NCAPG2: variants seen among roughly 807,000 people sequenced by gnomAD.
The protein encoded by NCAPG2 is non-SMC condensin II complex subunit G2.
Under a neutral mutation model 141.1 loss-of-function variants are expected in NCAPG2, and 53 were observed. The observed-to-expected ratio is 0.38, with a 90% CI of 0.30 to 0.47. NCAPG2 has a LOEUF of 0.47. Among genes scored for constraint, NCAPG2 ranks in the 20% least tolerant of loss-of-function variants. The pLI, the probability that NCAPG2 is intolerant of heterozygous loss-of-function variation, is 0.99. For synonymous variants in NCAPG2, 499 were observed against 490.7 expected, an observed-to-expected ratio of 1.02 and a Z score of -0.22; for missense variants, 1,087 against 1,389.0, an observed-to-expected ratio of 0.78 and a Z score of 3.46.
intron 16 of NCAPG2, among the ~76,000 whole-genome samples, chr7:158,658,737 T>C (rs1832224240): frequency 6.6e-6 from 1 of 152,096 alleles, no homozygotes; most frequent in Admixed American, 6.5e-5. Flanking sequence ...ATGAATTGAA[T>C]CTACTTTAAA....
intron 27 of NCAPG2, among the ~76,000 whole-genome samples, chr7:158,636,929 C>T (rs980994945): frequency 6.6e-6 from 1 of 151,970 alleles, no homozygotes; most frequent in African/African-American, 2.4e-5. Flanking sequence ...GGCCAATAGT[C>T]TATTGGGTTT....
At position 158,656,248 on chromosome 7, in the gene NCAPG2, G is replaced by C; in HGVS notation, c.2388+12C>G. 6.2e-7 allele frequency: 1 copy of C among 1,612,814 alleles called. No homozygotes were observed. The highest frequency in any genetic ancestry group is 8.5e-7 in the Non-Finnish European group (1 of 1,179,302). ...CATAGGAAACCACTCAACTCTCAGG[G>C]CACAGAGTTACCTTTGACGTTTCAA... On this transcript the variant is annotated intron_variant, in intron 19 of 27. Transcript: ENST00000356309.
chr7:158,666,770 T>A (rs112119174), intron 13 of NCAPG2, among the ~76,000 whole-genome samples: 6 of 151,162 alleles, frequency 4.0e-5, no homozygotes, highest in South Asian at 2.1e-4. Context: ...CAAAAAAAAA[T>A]AAATAAATAA....
In NCAPG2 at chr7:158,675,546, GAGGTCAATA is replaced by G; in HGVS notation, c.1248_1256del (p.Ile417_Leu419del). 6.2e-7 allele frequency: 1 copy of G among 1,613,584 alleles called. No individual in the cohort carries two copies. Among genetic ancestry groups the G allele is most frequent in the Non-Finnish European group, 8.5e-7 (1 of 1,179,886 alleles). The stretch of plus-strand genomic sequence containing the variant: ...CCAGTTCCCCAGTCACCTTCTTCAG[GAGGTCAATA>G]AGAATGGTCGGGGGCATCATTTCCC... On this transcript the variant is annotated inframe_deletion, in exon 12 of 28. Coordinates refer to ENST00000356309, the MANE Select transcript of NCAPG2 (RefSeq NM_017760.7).
intron 11 of NCAPG2, among the ~76,000 whole-genome samples, chr7:158,677,961 C>T: frequency 6.6e-6 from 1 of 152,018 alleles, no homozygotes; most frequent in Non-Finnish European, 1.5e-5. Flanking sequence ...TAGGCATGCA[C>T]CACAGTGCCC....
At position 158,631,373 on chromosome 7, in the gene NCAPG2, T is replaced by A. The variant is rs1829885796; in HGVS notation, c.*293A>T. 1 of 380,608 alleles carries A rather than the reference T, an allele frequency of 2.6e-6. No homozygotes were observed. Among genetic ancestry groups the A allele is most frequent in the South Asian group, 3.9e-5 (1 of 25,974 alleles). 23.6% of individuals were successfully genotyped at this position (380,608 alleles called of 1,614,324 possible). On this transcript the variant is annotated 3_prime_UTR_variant, in exon 28 of 28. Coordinates refer to ENST00000356309, the MANE Select transcript of NCAPG2 (RefSeq NM_017760.7). ...AATATTACATATATAAAAGTCATTTTAAAAACAACCAGGTTTGCTAGAAAA... is the reference window on the plus strand; with the variant it reads ...AATATTACATATATAAAAGTCATTTAAAAAACAACCAGGTTTGCTAGAAAA...
chr7:158,699,618 C>T (rs1037458), intron 2 of NCAPG2, among the ~76,000 whole-genome samples: 137,832 of 152,166 alleles, frequency 0.91, 62,489 homozygotes, highest in East Asian at 0.96. Context: ...CCAGGCCCAC[C>T]GTGCTCTCCA....
chr7:158,668,318 G>A (rs1833403230), intron 13 of NCAPG2: 2 of 922,422 alleles, frequency 2.2e-6, no homozygotes, highest in South Asian at 9.6e-5. Context: ...CCACTACTGG[G>A]TCCCTCCGCC....
At chr7:158,657,337 C>G (rs1164201433) in intron 17 of NCAPG2, among the ~76,000 whole-genome samples, 1 of 152,226 alleles carries the variant, frequency 6.6e-6, no homozygotes, top group Admixed American at 6.5e-5. Context: ...CACATCTCAG[C>G]TCAAATAGCC....
At chr7:158,693,699 T>C (rs1835268283) in intron 2 of NCAPG2, among the ~76,000 whole-genome samples, 1 of 152,196 alleles carries the variant, frequency 6.6e-6, no homozygotes, top group African/African-American at 2.4e-5. Flanking sequence ...TCTTCAGAGT[T>C]TTTAAAATTT....
intron 27 of NCAPG2, among the ~76,000 whole-genome samples, chr7:158,639,017 A>G (rs1239603488): frequency 6.6e-6 from 1 of 152,196 alleles, no homozygotes; most frequent in East Asian, 1.9e-4. Context: ...CAATGCCCAA[A>G]ATTATACTGA....
intron 22 of NCAPG2, among the ~76,000 whole-genome samples, chr7:158,653,735 TATC>T (rs1490174777): frequency 3.9e-5 from 6 of 152,252 alleles, no homozygotes; most frequent in Middle Eastern, 3.2e-3. Context: ...TACTAAATGT[TATC>T]ATTTTCAATC....
intron 7 of NCAPG2, among the ~76,000 whole-genome samples, chr7:158,686,478 C>T (rs531854047): frequency 6.6e-6 from 1 of 152,104 alleles, no homozygotes; most frequent in Non-Finnish European, 1.5e-5. Flanking sequence ...AAGGCTTACC[C>T]AAAACTTTAC....
At chr7:158,698,689 A>G (rs1835602692) in intron 2 of NCAPG2, among the ~76,000 whole-genome samples, 1 of 152,134 alleles carries the variant, frequency 6.6e-6, no homozygotes, top group Non-Finnish European at 1.5e-5. Flanking sequence ...GAGTCATGTG[A>G]CTGTACCAAC....
In NCAPG2 at chr7:158,649,791, GAGA is replaced by G. The variant is rs199537390; in HGVS notation, c.3075+1038_3075+1040del. On this transcript the variant is annotated intron_variant, in intron 24 of 27. Coordinates refer to ENST00000356309, the MANE Select transcript of NCAPG2 (RefSeq NM_017760.7). ...CTGTCAGTTTTTATCTTTTCATACA[GAGA>G]AGTTTTTTTCTCTATATGAAAACAT... Among the ~76,000 whole-genome samples, 43 of 152,136 alleles carry G rather than the reference GAGA, an allele frequency of 2.8e-4. No individual in the cohort carries two copies. In the East Asian group the frequency reaches 7.3e-3, roughly 26 times the overall value.
chr7:158,685,421 C>T (rs4909261), intron 8 of NCAPG2, among the ~76,000 whole-genome samples: 137,111 of 152,252 alleles, frequency 0.9, 61,812 homozygotes, highest in Admixed American at 0.94. Flanking sequence ...AAAATTACTT[C>T]AATATTACAC....
chr7:158,655,670 A>ATCTGCCCTGCACG (rs1831864195), intron 19 of NCAPG2, among the ~76,000 whole-genome samples: 6 of 2,532 alleles, frequency 2.4e-3, no homozygotes, highest in Non-Finnish European at 4.1e-3. Flanking sequence ...CTCACCGTCC[A>ATCTGCCCTGCACG]CAGCCCTTGC....
intron 11 of NCAPG2, among the ~76,000 whole-genome samples, chr7:158,678,879 C>A (rs1834266915): frequency 1.3e-5 from 2 of 152,068 alleles, no homozygotes; most frequent in Admixed American, 1.3e-4. Flanking sequence ...GAGACAGGGT[C>A]TCACTCTGTC....
intron 13 of NCAPG2, among the ~76,000 whole-genome samples, chr7:158,666,797 T>C (rs560457230): frequency 1.3e-5 from 2 of 152,074 alleles, no homozygotes; most frequent in East Asian, 1.9e-4. Context: ...AAGAAGACAA[T>C]GCATTGAAGG....
Sources: allele counts gnomAD v4.1 joint callset (sites outside exome capture counted in the v4.1 genomes callset), GRCh38; gene constraint gnomAD v4.1.1; transcripts MANE v1.5; gene names NCBI Gene and HGNC (gene_info 2026-07-23, HGNC 2026-07-21).